Variants in TENM3 observed in about 807,000 individuals in gnomAD.
TENM3 encodes the protein teneurin-3.
A neutral mutation model predicts 255.1 loss-of-function variants in TENM3; 63 were observed. The observed-to-expected ratio is 0.25, with a 90% CI of 0.20 to 0.30. The LOEUF (loss-of-function observed/expected upper bound fraction) is 0.30, where lower values mean the gene tolerates loss of function less well. Among genes scored for constraint, TENM3 ranks in the 10% least tolerant of loss-of-function variants. TENM3 has a pLI of 1.00. For missense variants in TENM3, 2,929 were observed against 3,461.1 expected (o/e 0.85, Z 3.86); for synonymous variants, 1,306 against 1,322.3 (o/e 0.99, Z 0.27).
chr4:182,377,272 C>T (rs1021320213), intron 3 of TENM3, among the ~76,000 whole-genome samples: 1 of 152,126 alleles, frequency 6.6e-6, no homozygotes. Flanking sequence ...AATTTTGATT[C>T]TGCGTATAGG....
At chr4:182,018,713 A>G in the TENM3 span, among the ~76,000 whole-genome samples, 1 of 152,256 alleles carries the variant, frequency 6.6e-6, no homozygotes, top group African/African-American at 2.4e-5. Flanking sequence ...GCTGTTTCCT[A>G]TTGCATAGAT....
intron 1 of TENM3, among the ~76,000 whole-genome samples, chr4:182,250,176 C>T (rs1184218742): frequency 6.6e-6 from 1 of 151,646 alleles, no homozygotes; most frequent in African/African-American, 2.4e-5. Context: ...CCTCAGCCTC[C>T]CGAGTAGCTG....
the TENM3 span, among the ~76,000 whole-genome samples, chr4:182,029,760 A>G: frequency 6.6e-6 from 1 of 152,194 alleles, no homozygotes; most frequent in African/African-American, 2.4e-5. Context: ...TATTCATATG[A>G]AGAAATGTAA....
At chr4:181,632,745 C>CTCCCTGAT in the TENM3 span, among the ~76,000 whole-genome samples, 1 of 152,000 alleles carries the variant, frequency 6.6e-6, no homozygotes, top group African/African-American at 2.4e-5. Context: ...TGGACTTTAC[C>CTCCCTGAT]TCCCTGATTC....
At chr4:181,559,821 C>G in the TENM3 span, among the ~76,000 whole-genome samples, 4 of 152,228 alleles carry the variant, frequency 2.6e-5, no homozygotes, top group African/African-American at 9.6e-5. Context: ...CTTCAAGGTG[C>G]AGCTTGCCTA....
the TENM3 span, among the ~76,000 whole-genome samples, chr4:181,737,144 AC>A: frequency 6.6e-6 from 1 of 152,172 alleles, no homozygotes; most frequent in Non-Finnish European, 1.5e-5. Context: ...CACCATTGCA[AC>A]CAATTTCAGA....
the TENM3 span, among the ~76,000 whole-genome samples, chr4:181,936,487 T>C: frequency 6.6e-6 from 1 of 152,188 alleles, no homozygotes; most frequent in Non-Finnish European, 1.5e-5. Flanking sequence ...GTCATCTCTT[T>C]CGCCTACCCT....
chr4:181,915,593 AGAAGGCAG>A, the TENM3 span, among the ~76,000 whole-genome samples: 1 of 149,652 alleles, frequency 6.7e-6, no homozygotes, highest in Non-Finnish European at 1.5e-5. Flanking sequence ...TGTTAAACGA[AGAAGGCAG>A]GATAGGCATT....
chr4:181,574,124 A>C, the TENM3 span, among the ~76,000 whole-genome samples: 8 of 152,206 alleles, frequency 5.3e-5, no homozygotes, highest in Non-Finnish European at 1.0e-4. Context: ...AACTCTGATA[A>C]CTGCTTTTAT....
At chr4:182,033,762 T>C in the TENM3 span, among the ~76,000 whole-genome samples, 13 of 152,228 alleles carry the variant, frequency 8.5e-5, no homozygotes, top group Non-Finnish European at 1.5e-5. Flanking sequence ...GCTCTTCTTG[T>C]TGCATTGAAC....
intron 3 of TENM3, among the ~76,000 whole-genome samples, chr4:182,489,310 T>C (rs2151571288): frequency 6.6e-6 from 1 of 152,346 alleles, no homozygotes; most frequent in South Asian, 2.1e-4. Flanking sequence ...TATGTATATG[T>C]GATCTCTAAA....
chr4:181,492,763 C>T, the TENM3 span, among the ~76,000 whole-genome samples: 1 of 152,162 alleles, frequency 6.6e-6, no homozygotes, highest in Admixed American at 6.5e-5. Context: ...TCTCAACTCA[C>T]TCTTCCCATC....
the TENM3 span, among the ~76,000 whole-genome samples, chr4:181,592,662 C>CTTT: frequency 0.29 from 37,082 of 129,730 alleles, 6,318 homozygotes; most frequent in East Asian, 0.37. Flanking sequence ...GAAAATCTCT[C>CTTT]TTTTTTTTTT....
chr4:182,213,787 G>C (rs1399150211), intron 1 of TENM3, among the ~76,000 whole-genome samples: 5 of 152,058 alleles, frequency 3.3e-5, no homozygotes, highest in African/African-American at 9.7e-5. Flanking sequence ...AAGAGATGCA[G>C]CTTTTATTTA....
chr4:181,535,984 TA>T, the TENM3 span, among the ~76,000 whole-genome samples: 3 of 151,924 alleles, frequency 2.0e-5, no homozygotes, highest in Admixed American at 1.3e-4. Flanking sequence ...ATTTCCCTAA[TA>T]AAAAAAATTC....
the TENM3 span, among the ~76,000 whole-genome samples, chr4:181,602,401 A>G: frequency 1.3e-5 from 2 of 152,118 alleles, no homozygotes; most frequent in Non-Finnish European, 2.9e-5. Context: ...GCTTTTGAAG[A>G]GTTTTTCTTG....
the TENM3 span, among the ~76,000 whole-genome samples, chr4:182,082,729 A>T: frequency 6.6e-6 from 1 of 152,202 alleles, no homozygotes; most frequent in East Asian, 1.9e-4. Flanking sequence ...TGGGAACATG[A>T]TGCCACGTGT....
chr4:181,686,794 TAA>T, the TENM3 span, among the ~76,000 whole-genome samples: 2 of 152,168 alleles, frequency 1.3e-5, no homozygotes, highest in Non-Finnish European at 2.9e-5. Flanking sequence ...TTTTTTAAAA[TAA>T]AATAATAGAC....
rs148397887 is a variant in TENM3, at chr4:182,345,872, G to A, written c.233-779G>A. On this transcript the variant is annotated intron_variant, in intron 2 of 27. Coordinates refer to ENST00000511685, the MANE Select transcript of TENM3 (RefSeq NM_001080477.4). ...GATTTTATCATTAATTTTTAAATAC[G>A]TAATACTCCCACTTTATTTTTAGAG... Among the ~76,000 whole-genome samples, 468 of 152,110 alleles carry A rather than the reference G, an allele frequency of 3.1e-3. 3 individuals are homozygous for A. The highest frequency in any genetic ancestry group is 0.021 in the Middle Eastern group (6 of 292).
Sources: gnomAD v4.1 joint callset for allele counts (sites outside exome capture counted in the v4.1 genomes callset) on GRCh38, gnomAD v4.1.1 for gene constraint, MANE v1.5 for transcripts, NCBI Gene and HGNC (gene_info 2026-07-23, HGNC 2026-07-21) for gene names.